The following COBLL1 variants were observed in gnomAD, a reference collection of about 807,000 sequenced individuals.
The protein encoded by COBLL1 is cordon-bleu protein-like 1.
A neutral mutation model predicts 94.8 loss-of-function variants in COBLL1; 50 were observed. The ratio of observed to expected loss-of-function variants is 0.53; its 90% CI spans 0.42 to 0.67. The LOEUF (loss-of-function observed/expected upper bound fraction) is 0.67, where lower values mean the gene tolerates loss of function less well. Among genes scored for constraint, COBLL1 ranks in the 30% least tolerant of loss-of-function variants. The pLI is 0.00. For missense variants in COBLL1, 1,362 were observed against 1,348.7 expected (o/e 1.01, Z -0.15); for synonymous variants, 448 against 473.8 (o/e 0.95, Z 0.71).
rs1406248858 is a variant in COBLL1 at position 164,694,914 on chromosome 2, A to G, written c.2478T>C (p.Ala826=). ...TGCCAGTGTCTCTTGTCATTTTGGG[A>G]GCAGGTTTCAGAGGACTAACCATGG... ...DDAMVSPLKP[A]PKMTRDTGTA... is the part of the protein sequence containing the mutation. Residue 826 remains alanine, a synonymous_variant, in exon 12 of 14, where the codon GCT becomes GCC. Coordinates refer to ENST00000652658, the MANE Select transcript of COBLL1 (RefSeq NM_001365672.2). 13 of 1,613,670 alleles carry G rather than the reference A, an allele frequency of 8.1e-6. No homozygotes were observed. In the Admixed American group the frequency reaches 2.2e-4, roughly 27 times the overall value.
intron 7 of COBLL1, among the ~76,000 whole-genome samples, chr2:164,721,290 T>C (rs924283688): frequency 6.6e-6 from 1 of 152,232 alleles, no homozygotes; most frequent in African/African-American, 2.4e-5. Flanking sequence ...TAAATCATTC[T>C]TTCTGATTAC....
intron 11 of COBLL1, chr2:164,696,401 A>G (rs1392413841): frequency 6.6e-6 from 1 of 152,156 alleles, no homozygotes; most frequent in Non-Finnish European, 1.5e-5. Flanking sequence ...AAACATTAAG[A>G]TTTATAGTAA....
intron 2 of COBLL1, among the ~76,000 whole-genome samples, chr2:164,795,504 C>T (rs1185052592): frequency 2.0e-5 from 3 of 151,884 alleles, no homozygotes; most frequent in African/African-American, 7.3e-5. Flanking sequence ...TTTCTTACTC[C>T]CAGAGTATCT....
chr2:164,819,945 C>G (rs1685078335), intron 2 of COBLL1, among the ~76,000 whole-genome samples: 1 of 150,988 alleles, frequency 6.6e-6, no homozygotes, highest in African/African-American at 2.4e-5. Flanking sequence ...CGTGCCTCAG[C>G]CTCCCAAGCA....
chr2:164,759,483 C>A (rs1195408951), intron 2 of COBLL1, among the ~76,000 whole-genome samples: 1 of 151,732 alleles, frequency 6.6e-6, no homozygotes, highest in Non-Finnish European at 1.5e-5. Flanking sequence ...TCTTTGGGAA[C>A]AAAAGTTAGG....
intron 7 of COBLL1, among the ~76,000 whole-genome samples, chr2:164,715,087 TC>T (rs2105481273): frequency 6.6e-6 from 1 of 152,340 alleles, no homozygotes; most frequent in African/African-American, 2.4e-5. Context: ...TAGAGCCTTG[TC>T]TGAAACATTA....
chr2:164,747,716 C>T (rs1277963892), intron 2 of COBLL1, among the ~76,000 whole-genome samples: 1 of 152,048 alleles, frequency 6.6e-6, no homozygotes, highest in African/African-American at 2.4e-5. Flanking sequence ...CTTAAGCAAT[C>T]CTCCCACCTC....
intron 2 of COBLL1, among the ~76,000 whole-genome samples, chr2:164,821,955 A>C (rs1277967526): frequency 6.6e-6 from 1 of 152,254 alleles, no homozygotes; most frequent in East Asian, 1.9e-4. Flanking sequence ...ATGTCCAAAA[A>C]CATTAATAAC....
chr2:164,841,205 G>C lies in COBLL1; in HGVS notation c.-9C>G. On this transcript the variant is annotated 5_prime_UTR_variant, in exon 2 of 14. Coordinates refer to ENST00000652658, the MANE Select transcript of COBLL1 (RefSeq NM_001365672.2). The surrounding 1 kb of genome is among the most constrained non-coding windows in gnomAD (Gnocchi z 5.5). ...GGGGTTCGGCCGTCCATCGCCCTGC[G>C]GGGCGCTGCGCGGGCTCCAGCTCCC... is the stretch of plus-strand genomic sequence containing the variant. 3 of 1,232,050 alleles carry C rather than the reference G, an allele frequency of 2.4e-6. No homozygotes were observed. The highest frequency in any genetic ancestry group is 2.0e-6 in the Non-Finnish European group (2 of 988,950). The allele number at this position is 1,232,050 out of a possible 1,614,324, so 76.3% of individuals were successfully genotyped here. A position where few individuals can be genotyped will look rare whatever the true frequency, so the allele number is the denominator to read the frequency against.
At chr2:164,830,682 C>A (rs1683033949) in intron 2 of COBLL1, among the ~76,000 whole-genome samples, 1 of 152,172 alleles carries the variant, frequency 6.6e-6, no homozygotes, top group Admixed American at 6.6e-5. Context: ...TTACGACATA[C>A]TTCTACATAG....
intron 13 of COBLL1, chr2:164,687,505 G>A: frequency 1.4e-6 from 2 of 1,454,046 alleles, no homozygotes; most frequent in Non-Finnish European, 1.9e-6. Context: ...CTGCAGCTTG[G>A]TGCGGACGGA....
chr2:164,760,510 C>T (rs1355930443), intron 2 of COBLL1, among the ~76,000 whole-genome samples: 3 of 152,146 alleles, frequency 2.0e-5, no homozygotes, highest in Non-Finnish European at 4.4e-5. Flanking sequence ...TTTCATAGAA[C>T]TATAAACCTA....
At position 164,722,541 on chromosome 2, in the gene COBLL1, A is replaced by G. The variant is rs1394763579; in HGVS notation, c.662-19T>C. ...CAGGACTCTAAAATAGAAGAAAAGC[A>G]TCTTACTTTTGTATGTGAGGTTGAC... On this transcript the variant is annotated intron_variant, in intron 5 of 13. Transcript: ENST00000652658. The G allele has an allele frequency of 3.0e-6, 4 of 1,349,748 alleles. No individual in the cohort carries two copies. The highest frequency in any genetic ancestry group is 4.0e-6 in the Non-Finnish European group (4 of 997,446). The allele number at this position is 1,349,748 out of a possible 1,614,324, so 83.6% of individuals were successfully genotyped here.
chr2:164,689,694 G>A (rs1003300751), intron 13 of COBLL1, among the ~76,000 whole-genome samples: 3 of 152,090 alleles, frequency 2.0e-5, no homozygotes, highest in Non-Finnish European at 4.4e-5. Context: ...TTTTAAAATT[G>A]TGGTATTTTC....
intron 2 of COBLL1, among the ~76,000 whole-genome samples, chr2:164,774,667 C>G (rs949919638): frequency 6.6e-6 from 1 of 152,118 alleles, no homozygotes; most frequent in Admixed American, 6.6e-5. Flanking sequence ...GCTTTCTAGC[C>G]TTGACTGTCT....
chr2:164,687,213 C>CTTTTTTTTTTTTTTTTTTTTT (rs879090827), intron 13 of COBLL1: 2 of 317,720 alleles, frequency 6.3e-6, no homozygotes, highest in African/African-American at 2.4e-5. Context: ...GACTTTCTTT[C>CTTTTTTTTTTTTTTTTTTTTT]TTTTTTTTTT....
intron 2 of COBLL1, among the ~76,000 whole-genome samples, chr2:164,818,300 A>G (rs1204821006): frequency 1.3e-5 from 2 of 150,494 alleles, no homozygotes; most frequent in African/African-American, 2.4e-5. Flanking sequence ...ATGTATACAT[A>G]TGTATACATA....
chr2:164,828,803 A>C (rs1682912520), intron 2 of COBLL1, among the ~76,000 whole-genome samples: 2 of 152,228 alleles, frequency 1.3e-5, no homozygotes, highest in Admixed American at 6.5e-5. Context: ...AAGACTTAGA[A>C]TCATATAACC....
chr2:164,705,721 A>T (rs980914832), intron 7 of COBLL1, among the ~76,000 whole-genome samples: 56 of 152,294 alleles, frequency 3.7e-4, no homozygotes, highest in African/African-American at 1.3e-3. Flanking sequence ...GAATGAACGA[A>T]TAAATAACTA....
Sources: gnomAD v4.1 joint callset for allele counts (sites outside exome capture counted in the v4.1 genomes callset) on GRCh38, gnomAD v4.1.1 for gene constraint, Gnocchi (gnomAD v3.1) non-coding constraint, MANE v1.5 for transcripts, NCBI Gene and HGNC (gene_info 2026-07-23, HGNC 2026-07-21) for gene names.